ROR2: variants seen among roughly 807,000 people sequenced by gnomAD.
ROR2 encodes the protein tyrosine-protein kinase transmembrane receptor ROR2.
In ROR2, 33 loss-of-function variants were observed where a neutral mutation model predicts 74.9. The ratio of observed to expected loss-of-function variants is 0.44; its 90% CI spans 0.33 to 0.59. The LOEUF (loss-of-function observed/expected upper bound fraction) is 0.59. ROR2 is among the 20% of genes least tolerant of loss of function. The pLI is 0.02. For synonymous variants in ROR2, 586 were observed against 558.7 expected (o/e 1.05, Z -0.69); for missense variants, 1,216 against 1,313.8 (o/e 0.93, Z 1.15).
At chr9:91,779,555 G>A in intron 1 of ROR2, among the ~76,000 whole-genome samples, 1 of 152,004 alleles carries the variant, frequency 6.6e-6, no homozygotes, top group East Asian at 1.9e-4. Flanking sequence ...ATTTTTAGTA[G>A]AGGTAGTGTT....
At chr9:91,769,646 C>T (rs1392207912) in intron 2 of ROR2, among the ~76,000 whole-genome samples, 1 of 152,136 alleles carries the variant, frequency 6.6e-6, no homozygotes, top group Non-Finnish European at 1.5e-5. Flanking sequence ...CTGGAGCATC[C>T]TGAGCTGTGG....
intron 2 of ROR2, among the ~76,000 whole-genome samples, chr9:91,770,888 C>A (rs1826205496): frequency 6.6e-6 from 1 of 152,156 alleles, no homozygotes; most frequent in Non-Finnish European, 1.5e-5. Flanking sequence ...CAGAAGCACA[C>A]ACAATAATTC....
At chr9:91,772,457 G>T (rs1826263260) in intron 2 of ROR2, among the ~76,000 whole-genome samples, 1 of 152,214 alleles carries the variant, frequency 6.6e-6, no homozygotes, top group Non-Finnish European at 1.5e-5. Flanking sequence ...ACCCCAGGGG[G>T]AAGGGTGAAG....
At chr9:91,851,962 C>G (rs1248209199) in intron 1 of ROR2, among the ~76,000 whole-genome samples, 1 of 139,646 alleles carries the variant, frequency 7.2e-6, no homozygotes, top group South Asian at 2.3e-4. Context: ...GGTGACGGTG[C>G]AAGACTCTGT....
At chr9:91,784,646 C>T (rs1376526086) in intron 1 of ROR2, among the ~76,000 whole-genome samples, 4 of 152,176 alleles carry the variant, frequency 2.6e-5, no homozygotes, top group Admixed American at 2.0e-4. Flanking sequence ...TATACACTGG[C>T]AATTTATGTA....
intron 1 of ROR2, among the ~76,000 whole-genome samples, chr9:91,790,261 G>A (rs1320651535): frequency 6.6e-6 from 1 of 151,996 alleles, no homozygotes; most frequent in Non-Finnish European, 1.5e-5. Context: ...CAGCACTTTG[G>A]GAGGCCGAGG....
intron 1 of ROR2, among the ~76,000 whole-genome samples, chr9:91,928,287 T>TCAC (rs1831462583): frequency 6.6e-6 from 1 of 152,080 alleles, no homozygotes; most frequent in African/African-American, 2.4e-5. Flanking sequence ...CCCAATCCCC[T>TCAC]CACTGCCCCT....
At chr9:91,928,199 C>T (rs1358992942) in intron 1 of ROR2, among the ~76,000 whole-genome samples, 1 of 152,090 alleles carries the variant, frequency 6.6e-6, no homozygotes, top group African/African-American at 2.4e-5. Flanking sequence ...CAGGAACAGC[C>T]CCCACCCCCA....
chr9:91,949,020 A>T, intron 1 of ROR2: 1 of 787,858 alleles, frequency 1.3e-6, no homozygotes, highest in South Asian at 5.7e-5. Context: ...AGCAGCCGAA[A>T]CCGCGCAGGG....
chr9:91,865,275 C>A (rs1446003051), intron 1 of ROR2, among the ~76,000 whole-genome samples: 2 of 152,172 alleles, frequency 1.3e-5, no homozygotes, highest in Non-Finnish European at 2.9e-5. Flanking sequence ...GCTCTTCACT[C>A]GGTTACAGTG....
chr9:91,886,713 C>A (rs1830284859), intron 1 of ROR2: 1 of 152,288 alleles, frequency 6.6e-6, no homozygotes, highest in African/African-American at 2.4e-5. Flanking sequence ...TGAAGAAAAT[C>A]AGGTTTTTCA....
chr9:91,752,489 C>T (rs1475841383), intron 4 of ROR2, among the ~76,000 whole-genome samples: 1 of 152,130 alleles, frequency 6.6e-6, no homozygotes, highest in Middle Eastern at 3.2e-3. Flanking sequence ...GTGGCTACAT[C>T]CTGAAGGATT....
intron 1 of ROR2, among the ~76,000 whole-genome samples, chr9:91,825,730 T>C (rs1162775273): frequency 2.6e-5 from 4 of 152,018 alleles, no homozygotes; most frequent in African/African-American, 9.7e-5. Context: ...GTGAGTGAAC[T>C]ATCACTTATT....
intron 2 of ROR2, among the ~76,000 whole-genome samples, chr9:91,771,111 C>A (rs942940816): frequency 6.6e-6 from 1 of 152,196 alleles, no homozygotes; most frequent in Non-Finnish European, 1.5e-5. Flanking sequence ...TATTTAGAAT[C>A]CACTTGAGAT....
chr9:91,893,731 T>C (rs1039896053), intron 1 of ROR2, among the ~76,000 whole-genome samples: 3 of 152,150 alleles, frequency 2.0e-5, no homozygotes, highest in African/African-American at 7.2e-5. Context: ...ACCTTCAAAC[T>C]GTATCCCGCC....
At chr9:91,846,748 G>A (rs6479376) in intron 1 of ROR2, among the ~76,000 whole-genome samples, 40,230 of 151,708 alleles carry the variant, frequency 0.27, 5,716 homozygotes, top group Admixed American at 0.42. Context: ...CCTCATTTGC[G>A]GTGGTCCCTG....
intron 1 of ROR2, among the ~76,000 whole-genome samples, chr9:91,853,278 C>T (rs1829170621): frequency 6.6e-6 from 1 of 152,130 alleles, no homozygotes; most frequent in Admixed American, 6.5e-5. Context: ...TTTAACGACC[C>T]AACCAGAGTT....
At chr9:91,823,748 A>C (rs1284185546) in intron 1 of ROR2, among the ~76,000 whole-genome samples, 1 of 152,248 alleles carries the variant, frequency 6.6e-6, no homozygotes, top group Non-Finnish European at 1.5e-5. Flanking sequence ...TCTCATAATG[A>C]AAAGACGGGA....
chr9:91,897,004 G>A (rs933577320), intron 1 of ROR2, among the ~76,000 whole-genome samples: 1 of 152,210 alleles, frequency 6.6e-6, no homozygotes, highest in African/African-American at 2.4e-5. Context: ...GCAAAGGGAA[G>A]GAAGGGGAAG....
Sources: gnomAD v4.1 joint callset for allele counts (sites outside exome capture counted in the v4.1 genomes callset) on GRCh38, gnomAD v4.1.1 for gene constraint, MANE v1.5 for transcripts, NCBI Gene and HGNC (gene_info 2026-07-23, HGNC 2026-07-21) for gene names.